Variants in MCF2L observed in about 807,000 individuals in gnomAD.
MCF2L encodes guanine nucleotide exchange factor DBS.
A neutral mutation model predicts 153.4 loss-of-function variants in MCF2L; 97 were observed. The ratio of observed to expected loss-of-function variants is 0.63; its 90% CI spans 0.54 to 0.75. The LOEUF is 0.75. Ranked by LOEUF, MCF2L falls within the 30% of genes least tolerant of loss-of-function variation. MCF2L has a pLI of 0.00. For missense variants in MCF2L, 1,347 were observed against 1,495.2 expected (o/e 0.90, Z 1.64); for synonymous variants, 659 against 632.2 (o/e 1.04, Z -0.64).
At chr13:112,908,596 A>C (rs1439839794) in intron 2 of MCF2L, among the ~76,000 whole-genome samples, 1 of 152,196 alleles carries the variant, frequency 6.6e-6, no homozygotes, top group East Asian at 1.9e-4. Context: ...AGTGCTCTAC[A>C]ATATGTGCTC....
chr13:113,022,440 G>A (rs374471442), intron 2 of MCF2L, among the ~76,000 whole-genome samples: 143 of 143,770 alleles, frequency 9.9e-4, no homozygotes, highest in African/African-American at 2.9e-3. Context: ...GCACAGGGAC[G>A]CAGGGGGTCT....
At chr13:112,908,262 G>A (rs1451198358) in intron 2 of MCF2L, among the ~76,000 whole-genome samples, 1 of 152,212 alleles carries the variant, frequency 6.6e-6, no homozygotes, top group Non-Finnish European at 1.5e-5. Context: ...GGGGGATGGG[G>A]TGGACCACCG....
Position 113,011,667 on chromosome 13 carries a change from GATGCA to G in MCF2L, c.80-3095_80-3091del, listed in dbSNP as rs2084122279. Among the ~76,000 whole-genome samples, 4 of 103,768 alleles carry G rather than the reference GATGCA, an allele frequency of 3.9e-5. 1 individual carries two copies. The East Asian group carries it at 8.7e-4, about 23-fold the overall frequency. The allele number at this position is 103,768 out of a possible 152,430, so 68.1% of individuals were successfully genotyped here. A position where few individuals can be genotyped will look rare whatever the true frequency, so the allele number is the denominator to read the frequency against. ...AGGCAGTGTGGACGGTGGACACTGT[GATGCA>G]GACGGTGGACAGGCGGTGTGGACGG... On this transcript the variant is annotated intron_variant, in intron 1 of 29. Coordinates refer to ENST00000535094, the MANE Select transcript of MCF2L (RefSeq NM_001112732.3).
At position 113,087,703 on chromosome 13, in the gene MCF2L, G is replaced by C. The variant is rs369553306; in HGVS notation, c.2596-4G>C. ...CGAACCCCATCTCCACTCTCTGCTC[G>C]CAGATGGCTGCCGTTGGCATTACGG... On this transcript the variant is annotated splice_region_variant and splice_polypyrimidine_tract_variant and intron_variant, in intron 22 of 29. Coordinates refer to ENST00000535094, the MANE Select transcript of MCF2L (RefSeq NM_001112732.3). 5.0e-6 allele frequency: 8 copies of C among 1,613,236 alleles called. No homozygotes were observed. The highest frequency in any genetic ancestry group is 5.1e-6 in the Non-Finnish European group (6 of 1,179,464).
In MCF2L at chr13:113,046,416, AG is replaced by A. The variant is rs1292980156; in HGVS notation, c.369+1056del. 2.3e-6 allele frequency: 1 copy of A among 443,376 alleles called. No homozygotes were observed. The highest frequency in any genetic ancestry group is 4.5e-6 in the Non-Finnish European group (1 of 224,686). 27.5% of individuals were successfully genotyped at this position (443,376 alleles called of 1,614,324 possible). On this transcript the variant is annotated intron_variant, in intron 4 of 29. Transcript: ENST00000535094. The surrounding 1 kb of genome is among the most constrained non-coding windows in gnomAD (Gnocchi z 4.4). ...CAAGCATTCCCCAGCACCAAACCCCAGTGAAGTCAGATTCTCCCAGTGAAGT... is the reference window on the plus strand; with the variant it reads ...CAAGCATTCCCCAGCACCAAACCCCATGAAGTCAGATTCTCCCAGTGAAGT...
chr13:112,929,964 G>A (rs1429771839), intron 2 of MCF2L, among the ~76,000 whole-genome samples: 1 of 152,180 alleles, frequency 6.6e-6, no homozygotes, highest in Non-Finnish European at 1.5e-5. Context: ...AAAAACCAGT[G>A]CCAGAAAAGA....
rs576441936 is a variant in MCF2L, at chr13:113,073,401, T to A, written c.997-1043T>A. On this transcript the variant is annotated intron_variant, in intron 9 of 29. Coordinates refer to ENST00000535094, the MANE Select transcript of MCF2L (RefSeq NM_001112732.3). ...AGGTGGTGCATTATCCATAACTCAGTGGCTGTGCGTAACATGGAGAGAAGT... is the reference window on the plus strand; with the variant it reads ...AGGTGGTGCATTATCCATAACTCAGAGGCTGTGCGTAACATGGAGAGAAGT... 3.3e-5 allele frequency among the ~76,000 whole-genome samples: 5 copies of A among 152,276 alleles called. No individual in the cohort carries two copies. In the South Asian group the frequency reaches 1.0e-3, roughly 32 times the overall value.
chr13:112,936,279 CAAAAAAAAAAAAA>C (rs34826552), intron 2 of MCF2L, among the ~76,000 whole-genome samples: 3 of 74,280 alleles, frequency 4.0e-5, no homozygotes, highest in East Asian at 4.3e-4. Context: ...GACTCTGTCT[CAAAAAAAAAAAAA>C]AAAAAAAAAA....
chr13:112,959,447 T>C (rs375860426), intron 2 of MCF2L, among the ~76,000 whole-genome samples: 62 of 152,222 alleles, frequency 4.1e-4, no homozygotes, highest in African/African-American at 1.4e-3. Flanking sequence ...AGGGGTTTCC[T>C]CTCTCTGGGA....
Position 113,074,915 on chromosome 13 carries a change from G to A in MCF2L, c.1117-83G>A, listed in dbSNP as rs565598820. ...AGAAATCAAGACACACGTGTGCCCC[G>A]GGACACACATCCCGTACAGCAAGGC... On this transcript the variant is annotated intron_variant, in intron 10 of 29. Transcript: ENST00000535094. This position sits in a 1 kb window ranked among gnomAD's most constrained non-coding sequence, Gnocchi z 4.2. 2.4e-4 allele frequency: 305 copies of A among 1,253,168 alleles called. 1 individual carries two copies. Among genetic ancestry groups the A allele is most frequent in the African/African-American group, 1.9e-3 (131 of 67,332 alleles). 77.6% of individuals were successfully genotyped at this position (1,253,168 alleles called of 1,614,324 possible).
intron 23 of MCF2L, among the ~76,000 whole-genome samples, chr13:113,088,010 C>T (rs767435164): frequency 4.6e-5 from 7 of 152,204 alleles, no homozygotes; most frequent in Non-Finnish European, 8.8e-5. Context: ...TGCGAGGAAA[C>T]GGGCTCTCCC....
intron 1 of MCF2L, among the ~76,000 whole-genome samples, chr13:112,994,649 G>A (rs1231621977): frequency 3.3e-5 from 5 of 152,360 alleles, no homozygotes; most frequent in Non-Finnish European, 5.9e-5. Context: ...GGAAGCCTGC[G>A]GTGAGGCCGC....
chr13:112,895,673 AG>A (rs1028988915), intron 1 of MCF2L, among the ~76,000 whole-genome samples: 1 of 152,096 alleles, frequency 6.6e-6, no homozygotes, highest in African/African-American at 2.4e-5. Flanking sequence ...CCTCAGTCCC[AG>A]GGGGGCAGTG....
chr13:112,998,281 G>A (rs990607666), intron 1 of MCF2L, among the ~76,000 whole-genome samples: 1 of 152,198 alleles, frequency 6.6e-6, no homozygotes, highest in Non-Finnish European at 1.5e-5. Flanking sequence ...GAAAAAGCTG[G>A]AAAACAGCAT....
chr13:113,084,791 G>A (rs2034474800), intron 18 of MCF2L, 101 bp from the exon 19 acceptor site: 3 of 864,188 alleles, frequency 3.5e-6, no homozygotes, highest in Non-Finnish European at 5.7e-6. Flanking sequence ...GCTGCGTGAT[G>A]CGGTGCCCGT....
chr13:113,060,733 T>C, intron 5 of MCF2L, 21 bp downstream of exon 5: 1 of 1,610,764 alleles, frequency 6.2e-7, no homozygotes, highest in Non-Finnish European at 8.5e-7. Context: ...CCCGCCTCCA[T>C]CCTGCGGTAG....
chr13:112,952,220 T>C (rs956938826), intron 2 of MCF2L, among the ~76,000 whole-genome samples: 1 of 151,990 alleles, frequency 6.6e-6, no homozygotes, highest in African/African-American at 2.4e-5. Flanking sequence ...CAGAGGGAGG[T>C]GGAAGGCAGC....
chr13:113,082,446 A>G lies in MCF2L; in HGVS notation c.1895A>G (p.Asp632Gly), dbSNP rs2034235481. 1.9e-6 allele frequency: 3 copies of G among 1,613,626 alleles called. No homozygotes were observed. Among genetic ancestry groups the G allele is most frequent in the Non-Finnish European group, 2.5e-6 (3 of 1,179,602 alleles). ...CVLEGYAAEM[D>G]NPLMAHLLST... ...CTGCAGGGCTACGCCGCGGAGATGG[A>G]TAACCCACTGATGGCTCACCTCCTG... Residue 632 changes from aspartate to glycine, a missense_variant, in exon 17 of 30, where the codon GAT (aspartate) becomes GGT (glycine). Coordinates refer to ENST00000535094, the MANE Select transcript of MCF2L (RefSeq NM_001112732.3).
chr13:113,076,704 T>A lies in MCF2L; in HGVS notation c.1501-348T>A, dbSNP rs185362466. On this transcript the variant is annotated intron_variant, in intron 12 of 29. Transcript: ENST00000535094. The stretch of plus-strand genomic sequence containing the variant: ...GCCATCCCGCCTCCGCTGGCAGACT[T>A]TGTGGCATGGGTGTGTTCTTCAGGA... 3.2e-3 allele frequency among the ~76,000 whole-genome samples: 489 copies of A among 152,368 alleles called. 2 individuals carry two copies. Among genetic ancestry groups the A allele is most frequent in the South Asian group, 5.4e-3 (26 of 4,830 alleles).
Sources: gnomAD v4.1 joint callset for allele counts (sites outside exome capture counted in the v4.1 genomes callset) on GRCh38, gnomAD v4.1.1 for gene constraint, Gnocchi (gnomAD v3.1) non-coding constraint, MANE v1.5 for transcripts, NCBI Gene and HGNC (gene_info 2026-07-23, HGNC 2026-07-21) for gene names.